The following AKR1C3 variants were observed in gnomAD, a reference collection of about 807,000 sequenced individuals.
AKR1C3 encodes aldo-keto reductase family 1 member C3.
In AKR1C3, 48 loss-of-function variants were observed where a neutral mutation model predicts 43.6. The observed-to-expected ratio is 1.10, with a 90% CI of 0.87 to 1.40. The LOEUF is 1.40. AKR1C3 is among the 40% of genes most tolerant of loss of function. The pLI, the probability that AKR1C3 is intolerant of heterozygous loss-of-function variation, is 0.00. For synonymous variants in AKR1C3, 162 were observed against 139.6 expected, an observed-to-expected ratio of 1.16 and a Z score of -1.13; for missense variants, 482 against 391.2, an observed-to-expected ratio of 1.23 and a Z score of -1.96.
At chr10:5,096,336 A>G (rs1839206071) in intron 1 of AKR1C3, 74 bp from the exon 2 acceptor site, 2 of 1,527,866 alleles carry the variant, frequency 1.3e-6, no homozygotes, top group Admixed American at 4.0e-5. Flanking sequence ...TTCTTGTATA[A>G]AAGTCAATGC....
rs1564364432 is a variant in AKR1C3, at chr10:5,086,042, AT to A, written c.85-10362del. Among the ~76,000 whole-genome samples, 3 of 151,716 alleles carry A rather than the reference AT, an allele frequency of 2.0e-5. 1 individual carries two copies. The highest frequency in any genetic ancestry group is 4.2e-4 in the South Asian group (2 of 4,776). ...AAAAAACCAGCTCCTGGTTTCATTA[AT>A]TTTTTGAAGGGTTTTTTGTGTCTCT... On this transcript the variant is annotated intron_variant, in intron 1 of 8. Coordinates refer to the AKR1C3 transcript ENST00000439082.
chr10:5,063,789 A>AAAAAAAAAAAAAAAAAAAT (rs1838434547), intron 1 of AKR1C3, among the ~76,000 whole-genome samples: 1 of 134,908 alleles, frequency 7.4e-6, no homozygotes, highest in Non-Finnish European at 1.6e-5. Context: ...AAAAAAAAAA[A>AAAAAAAAAAAAAAAAAAAT]GGAAAATGGC....
chr10:5,103,005 T>G (rs1033516857), intron 7 of AKR1C3, among the ~76,000 whole-genome samples: 23 of 151,746 alleles, frequency 1.5e-4, no homozygotes, highest in African/African-American at 5.6e-4. Context: ...TTCTCCTGCC[T>G]CAGCCTCCTG....
chr10:5,100,367 TTAGCAGAACATAGACCTGACC>T (rs1389092356), intron 5 of AKR1C3, among the ~76,000 whole-genome samples: 1 of 152,238 alleles, frequency 6.6e-6, no homozygotes, highest in Non-Finnish European at 1.5e-5. Context: ...CTGAGGAACT[TTAGCAGAACATAGACCTGACC>T]TATCACTGCC....
intron 1 of AKR1C3, among the ~76,000 whole-genome samples, chr10:5,095,027 G>A (rs1290702589): frequency 6.6e-6 from 1 of 152,050 alleles, no homozygotes; most frequent in Admixed American, 6.6e-5. Context: ...CTGGACTAGA[G>A]TTTCCACTGT....
intron 1 of AKR1C3, among the ~76,000 whole-genome samples, chr10:5,061,345 G>T (rs1188106139): frequency 1.3e-5 from 2 of 152,170 alleles, no homozygotes; most frequent in Non-Finnish European, 2.9e-5. Flanking sequence ...ACACAGCATG[G>T]AGTCTGGAGG....
intron 1 of AKR1C3, among the ~76,000 whole-genome samples, chr10:5,074,627 C>T (rs181042582): frequency 1.3e-5 from 2 of 152,072 alleles, no homozygotes; most frequent in Non-Finnish European, 2.9e-5. Context: ...TTTTGGTACC[C>T]GAAACTCTTT....
At chr10:5,089,928 T>C (rs1839049175), upstream of AKR1C3, among the ~76,000 whole-genome samples, 1 of 152,172 alleles carries the variant, frequency 6.6e-6, no homozygotes, top group Non-Finnish European at 1.5e-5. Flanking sequence ...TTTATACCTC[T>C]GCCCTTGAGG....
chr10:5,092,030 C>G (rs1839102322), upstream of AKR1C3, among the ~76,000 whole-genome samples: 1 of 151,198 alleles, frequency 6.6e-6, no homozygotes, highest in African/African-American at 2.4e-5. Context: ...GTATTAATAA[C>G]TTTCTAATTA....
At chr10:5,104,090 T>C (rs1839432298) in intron 7 of AKR1C3, among the ~76,000 whole-genome samples, 2 of 152,024 alleles carry the variant, frequency 1.3e-5, no homozygotes, top group South Asian at 2.1e-4. Flanking sequence ...TCTGTAGTTA[T>C]GTATTCATGA....
intron 3 of AKR1C3, 143 bp downstream of exon 3, chr10:5,097,693 CCTTT>C: frequency 2.0e-6 from 3 of 1,511,338 alleles, no homozygotes; most frequent in Non-Finnish European, 2.6e-6. Context: ...CACCTAATTT[CCTTT>C]CTTTCGAGTA....
At position 5,094,502 on chromosome 10, in the gene AKR1C3, G is replaced by C; in HGVS notation, c.58G>C (p.Gly20Arg). The change falls in exon 1 of 9, where the codon GGA becomes CGA. Residue 20 changes from glycine to arginine, a missense_variant. By Grantham distance (125) the Gly-to-Arg change is moderately radical. Coordinates refer to ENST00000380554, the MANE Select transcript of AKR1C3 (RefSeq NM_003739.6). Reference protein sequence around the residue: ...LNDGHFMPVLGFGTYAPPEVP... With the variant: ...LNDGHFMPVLRFGTYAPPEVP... Reference sequence around the variant, plus strand: ...TGATGGCCACTTCATGCCTGTATTGGGATTTGGCACCTATGCACCTCCAGA... The same window carrying C: ...TGATGGCCACTTCATGCCTGTATTGCGATTTGGCACCTATGCACCTCCAGA... 1 of 1,612,782 alleles carries C rather than the reference G, an allele frequency of 6.2e-7. No homozygotes were observed. The highest frequency in any genetic ancestry group is 1.1e-5 in the South Asian group (1 of 91,052).
At position 5,057,471 on chromosome 10, in the gene AKR1C3, A is replaced by G. The variant is rs182731986; in HGVS notation, c.84+8576A>G. ...AGCTTTCTCCTGATATCTGTGGCTG[A>G]TTGGGTATTAAACTTATCTTTTAGA... On this transcript the variant is annotated intron_variant, in intron 1 of 8. Transcript: ENST00000439082. Among the ~76,000 whole-genome samples, 113 of 150,920 alleles carry G rather than the reference A, an allele frequency of 7.5e-4. No individual in the cohort carries two copies. The Middle Eastern group carries it at 0.014, about 18-fold the overall frequency.
chr10:5,079,120 T>C (rs1459110155), intron 1 of AKR1C3, among the ~76,000 whole-genome samples: 2 of 152,164 alleles, frequency 1.3e-5, no homozygotes, highest in African/African-American at 2.4e-5. Context: ...TGCCAGGTGG[T>C]TGGAAATAGG....
At chr10:5,056,194 C>T (rs1838258001) in intron 1 of AKR1C3, among the ~76,000 whole-genome samples, 1 of 152,116 alleles carries the variant, frequency 6.6e-6, no homozygotes, top group Non-Finnish European at 1.5e-5. Context: ...AGTGCCTGAC[C>T]AAACAGATGA....
At chr10:5,054,358 C>T (rs1838216242) in intron 1 of AKR1C3, among the ~76,000 whole-genome samples, 1 of 152,136 alleles carries the variant, frequency 6.6e-6, no homozygotes, top group African/African-American at 2.4e-5. Flanking sequence ...CATTCCTAAC[C>T]CTATAAGTAG....
At chr10:5,105,724 G>T in intron 8 of AKR1C3, 47 bp downstream of exon 8, 1 of 1,472,390 alleles carries the variant, frequency 6.8e-7, no homozygotes, top group South Asian at 1.2e-5. Flanking sequence ...TCTGGAGAAG[G>T]AATGTAGGAT....
At chr10:5,060,687 G>A (rs780176823) in intron 1 of AKR1C3, among the ~76,000 whole-genome samples, 6 of 152,212 alleles carry the variant, frequency 3.9e-5, no homozygotes, top group Non-Finnish European at 8.8e-5. Flanking sequence ...CCATGTGCCC[G>A]CACTCCTCAG....
At chr10:5,076,418 CT>C (rs1554781850) in intron 1 of AKR1C3, among the ~76,000 whole-genome samples, 2 of 152,148 alleles carry the variant, frequency 1.3e-5, no homozygotes, top group Non-Finnish European at 2.9e-5. Flanking sequence ...CTCTCTCTCT[CT>C]CTCCACTCTA....
Sources: gnomAD v4.1 joint callset for allele counts (sites outside exome capture counted in the v4.1 genomes callset) on GRCh38, gnomAD v4.1.1 for gene constraint, MANE v1.5 for transcripts, NCBI Gene and HGNC (gene_info 2026-07-23, HGNC 2026-07-21) for gene names.